The following NEMP2 variants were observed in gnomAD, a reference collection of about 807,000 sequenced individuals.
NEMP2 encodes nuclear envelope integral membrane protein 2.
Under a neutral mutation model 54.2 loss-of-function variants are expected in NEMP2, and 53 were observed. The observed-to-expected ratio is 0.98, with a 90% confidence interval of 0.78 to 1.23. The LOEUF (loss-of-function observed/expected upper bound fraction) is 1.23. NEMP2 is among the 50% of genes most tolerant of loss of function. The pLI, the probability that NEMP2 is intolerant of heterozygous loss-of-function variation, is 0.00. For missense variants in NEMP2, 455 were observed against 511.3 expected (o/e 0.89, Z 1.06); for synonymous variants, 197 against 190.3 (o/e 1.04, Z -0.29).
chr2:190,454,316 G>C, the NEMP2 span: 5 of 152,222 alleles, frequency 3.3e-5, no homozygotes, highest in East Asian at 3.9e-4. The surrounding 1 kb of genome is among the most constrained non-coding windows in gnomAD (Gnocchi z 4.6). Context: ...ATTAAAGATA[G>C]AGATAAGAAG....
chr2:190,436,943 C>G, the NEMP2 span: 1 of 1,614,226 alleles, frequency 6.2e-7, no homozygotes, highest in Non-Finnish European at 8.5e-7. The surrounding 1 kb of genome is among the most constrained non-coding windows in gnomAD (Gnocchi z 5.3). Flanking sequence ...AGTGCCTCTT[C>G]TGTCACAATC....
At chr2:190,607,089 T>G in the NEMP2 span, among the ~76,000 whole-genome samples, 2 of 152,162 alleles carry the variant, frequency 1.3e-5, no homozygotes, top group Middle Eastern at 3.4e-3. This position sits in a 1 kb window ranked among gnomAD's most constrained non-coding sequence, Gnocchi z 5.2. Context: ...CCATGGCGGG[T>G]GCTGAAGGCA....
At chr2:190,629,843 G>A in the NEMP2 span, 1 of 152,236 alleles carries the variant, frequency 6.6e-6, no homozygotes, top group Non-Finnish European at 1.5e-5. Flanking sequence ...CAAAAGGAGA[G>A]CTTTTGACGG....
At chr2:190,623,582 A>G in the NEMP2 span, among the ~76,000 whole-genome samples, 1 of 152,226 alleles carries the variant, frequency 6.6e-6, no homozygotes, top group African/African-American at 2.4e-5. Flanking sequence ...GGCCTCTTCA[A>G]TAAATGGTGG....
chr2:190,496,325 A>C, the NEMP2 span, among the ~76,000 whole-genome samples: 1 of 152,196 alleles, frequency 6.6e-6, no homozygotes, highest in Non-Finnish European at 1.5e-5. This position sits in a 1 kb window ranked among gnomAD's most constrained non-coding sequence, Gnocchi z 4.7. Context: ...CAAATAATCA[A>C]AAAATAATTG....
At chr2:190,427,568 TG>T in the NEMP2 span, among the ~76,000 whole-genome samples, 1 of 152,200 alleles carries the variant, frequency 6.6e-6, no homozygotes, top group Non-Finnish European at 1.5e-5. Flanking sequence ...TGTTGTTCCT[TG>T]GGTACCAAGG....
At chr2:190,423,836 G>T in the NEMP2 span, among the ~76,000 whole-genome samples, 1 of 152,134 alleles carries the variant, frequency 6.6e-6, no homozygotes, top group Non-Finnish European at 1.5e-5. This position sits in a 1 kb window ranked among gnomAD's most constrained non-coding sequence, Gnocchi z 4.3. Flanking sequence ...CATTCTTATA[G>T]ACGTGTAGTG....
the NEMP2 span, among the ~76,000 whole-genome samples, chr2:190,431,805 TATC>T: frequency 4.6e-5 from 7 of 152,338 alleles, no homozygotes; most frequent in Admixed American, 2.6e-4. The surrounding 1 kb of genome is among the most constrained non-coding windows in gnomAD (Gnocchi z 4.4). Context: ...TTTTCTTTCA[TATC>T]ATCTCAATTT....
the NEMP2 span, among the ~76,000 whole-genome samples, chr2:190,591,194 G>A: frequency 9.9e-5 from 15 of 152,124 alleles, no homozygotes; most frequent in Non-Finnish European, 1.8e-4. This position sits in a 1 kb window ranked among gnomAD's most constrained non-coding sequence, Gnocchi z 5.4. Flanking sequence ...TACTTAGAGG[G>A]TCCAGGGTGT....
the NEMP2 span, among the ~76,000 whole-genome samples, chr2:190,613,485 C>A: frequency 0.21 from 32,612 of 152,052 alleles, 4,207 homozygotes; most frequent in East Asian, 0.42. Flanking sequence ...AATTTTGACA[C>A]CTTATAGTAT....
chr2:190,581,086 C>T, the NEMP2 span, among the ~76,000 whole-genome samples: 2 of 152,130 alleles, frequency 1.3e-5, no homozygotes, highest in Non-Finnish European at 2.9e-5. Context: ...ACTTAGCTCA[C>T]CAGCAGTGTT....
chr2:190,562,132 GT>G, the NEMP2 span, among the ~76,000 whole-genome samples: 1 of 152,190 alleles, frequency 6.6e-6, no homozygotes, highest in African/African-American at 2.4e-5. The surrounding 1 kb of genome is among the most constrained non-coding windows in gnomAD (Gnocchi z 5.0). Context: ...AATCCAAATA[GT>G]TTTTTCCCTC....
At chr2:190,424,785 A>G in the NEMP2 span, among the ~76,000 whole-genome samples, 23,080 of 152,192 alleles carry the variant, frequency 0.15, 2,770 homozygotes, top group Admixed American at 0.37. This position sits in a 1 kb window ranked among gnomAD's most constrained non-coding sequence, Gnocchi z 5.9. Flanking sequence ...ATTCTGTTAC[A>G]TTGATCTATG....
At chr2:190,577,430 T>A in the NEMP2 span, among the ~76,000 whole-genome samples, 2 of 152,192 alleles carry the variant, frequency 1.3e-5, no homozygotes, top group African/African-American at 4.8e-5. The surrounding 1 kb of genome is among the most constrained non-coding windows in gnomAD (Gnocchi z 4.8). Context: ...ATAATGGCTG[T>A]TCTTAAAAAT....
the NEMP2 span, among the ~76,000 whole-genome samples, chr2:190,443,863 T>G: frequency 2.6e-5 from 4 of 152,196 alleles, no homozygotes; most frequent in African/African-American, 9.7e-5. The surrounding 1 kb of genome is among the most constrained non-coding windows in gnomAD (Gnocchi z 4.2). Flanking sequence ...GAGATCAGCC[T>G]GGGCAACATG....
chr2:190,513,434 T>C lies in NEMP2; in HGVS notation c.953+1019A>G, dbSNP rs1225669658. ...ACAGTCCTCCTGGTTACTGCTGCCT[T>C]ACCCCTGCTCAGCATCACTCACCAT... On this transcript the variant is annotated intron_variant, in intron 7 of 8. Coordinates refer to ENST00000409150, the MANE Select transcript of NEMP2 (RefSeq NM_001142645.2). The surrounding 1 kb of genome is among the most constrained non-coding windows in gnomAD (Gnocchi z 5.3). 1.3e-5 allele frequency among the ~76,000 whole-genome samples: 2 copies of C among 152,164 alleles called. No homozygotes were observed.
the NEMP2 span, among the ~76,000 whole-genome samples, chr2:190,445,457 C>CA: frequency 0.18 from 26,114 of 143,694 alleles, 2,472 homozygotes; most frequent in East Asian, 0.29. Context: ...GCCCCAATCA[C>CA]AAAAAAAAAA....
the NEMP2 span, among the ~76,000 whole-genome samples, chr2:190,627,258 T>A: frequency 1.4e-4 from 22 of 152,372 alleles, no homozygotes; most frequent in East Asian, 3.3e-3. This position sits in a 1 kb window ranked among gnomAD's most constrained non-coding sequence, Gnocchi z 4.4. Flanking sequence ...GTATTTTGCT[T>A]TATAAGACTT....
chr2:190,534,097 T>C, intron 1 of NEMP2: 1 of 986,830 alleles, frequency 1.0e-6, no homozygotes, highest in Non-Finnish European at 1.2e-6. Flanking sequence ...ATTCTGAAGC[T>C]GAAGCTGTTA....
Sources: gnomAD v4.1 joint callset for allele counts (sites outside exome capture counted in the v4.1 genomes callset) on GRCh38, gnomAD v4.1.1 for gene constraint, Gnocchi (gnomAD v3.1) non-coding constraint, MANE v1.5 for transcripts, NCBI Gene and HGNC (gene_info 2026-07-23, HGNC 2026-07-21) for gene names.